EZH2: variants seen among roughly 807,000 people sequenced by gnomAD.
The protein encoded by EZH2 is enhancer of zeste 2 polycomb repressive complex 2 subunit, also known as histone-lysine N-methyltransferase EZH2.
A neutral mutation model predicts 98.4 loss-of-function variants in EZH2; 18 were observed. That is an observed-to-expected ratio of 0.18 (90% CI 0.13 to 0.27). The LOEUF (loss-of-function observed/expected upper bound fraction) is 0.27. Ranked by LOEUF, EZH2 falls within the 10% of genes least tolerant of loss-of-function variation. The probability of loss-of-function intolerance (pLI) is 1.00; values close to 1 mark genes in which losing one functional copy is unlikely to be tolerated. For missense variants in EZH2, 470 were observed against 935.1 expected (o/e 0.50, Z 6.49); for synonymous variants, 338 against 312.3 (o/e 1.08, Z -0.87).
intron 1 of EZH2, among the ~76,000 whole-genome samples, chr7:148,849,794 C>G (rs545306309): frequency 6.6e-6 from 1 of 152,164 alleles, no homozygotes. Flanking sequence ...TCAACTAATT[C>G]TATGCAAATT....
intron 1 of EZH2, among the ~76,000 whole-genome samples, chr7:148,853,443 T>C (rs1341427976): frequency 2.0e-5 from 3 of 151,436 alleles, no homozygotes; most frequent in Admixed American, 1.3e-4. Flanking sequence ...TTTTAAGGAG[T>C]GTGCAACCTA....
intron 1 of EZH2, among the ~76,000 whole-genome samples, chr7:148,854,353 G>A (rs959577828): frequency 1.3e-5 from 2 of 151,164 alleles, no homozygotes; most frequent in Non-Finnish European, 1.5e-5. Context: ...GGAGAATGGC[G>A]TGAACCCGGG....
chr7:148,835,397 C>G (rs1385137452), intron 3 of EZH2, among the ~76,000 whole-genome samples: 1 of 149,114 alleles, frequency 6.7e-6, no homozygotes, highest in African/African-American at 2.5e-5. Flanking sequence ...GCACTCCAGC[C>G]TGGGTGACGA....
intron 1 of EZH2, among the ~76,000 whole-genome samples, chr7:148,853,830 T>C (rs1048003135): frequency 1.3e-5 from 2 of 152,186 alleles, no homozygotes; most frequent in Admixed American, 1.3e-4. Context: ...TATAGGAACA[T>C]CTGAATTAAT....
At chr7:148,810,123 C>CAG (rs1205380701) in intron 17 of EZH2, 29 of 441,424 alleles carry the variant, frequency 6.6e-5, no homozygotes, top group African/African-American at 5.2e-4. Flanking sequence ...GCCGGGACTC[C>CAG]AGAGAGGCGG....
chr7:148,823,255 GTAAACT>G (rs1367719289), intron 8 of EZH2, among the ~76,000 whole-genome samples: 1 of 152,132 alleles, frequency 6.6e-6, no homozygotes, highest in African/African-American at 2.4e-5. Context: ...AGTTTATCAG[GTAAACT>G]TAAACTTGCA....
intron 1 of EZH2, among the ~76,000 whole-genome samples, chr7:148,849,799 C>T (rs564775706): frequency 1.2e-4 from 19 of 152,174 alleles, no homozygotes; most frequent in Admixed American, 5.2e-4. Context: ...TAATTCTATG[C>T]AAATTACTTA....
intron 1 of EZH2, among the ~76,000 whole-genome samples, chr7:148,857,903 T>C (rs955770366): frequency 6.6e-6 from 1 of 151,686 alleles, no homozygotes; most frequent in Non-Finnish European, 1.5e-5. Flanking sequence ...AGAAACAAAT[T>C]TTAAAATCTA....
intron 1 of EZH2, among the ~76,000 whole-genome samples, chr7:148,856,261 G>C (rs930054973): frequency 3.9e-5 from 6 of 152,232 alleles, no homozygotes; most frequent in Non-Finnish European, 7.4e-5. Context: ...ATGTACACTA[G>C]GGTTAAACAA....
At chr7:148,857,704 T>A (rs980340019) in intron 1 of EZH2, among the ~76,000 whole-genome samples, 2 of 151,948 alleles carry the variant, frequency 1.3e-5, no homozygotes, top group African/African-American at 4.8e-5. Context: ...TGAGCAGAGA[T>A]CGCACCTCTG....
At chr7:148,875,064 A>T (rs1819993721) in intron 1 of EZH2, among the ~76,000 whole-genome samples, 1 of 152,194 alleles carries the variant, frequency 6.6e-6, no homozygotes. Context: ...ATAAATGAAA[A>T]GGTTTGAATT....
intron 3 of EZH2, chr7:148,837,096 C>T (rs944196019): frequency 2.4e-6 from 1 of 417,070 alleles, no homozygotes; most frequent in Admixed American, 2.8e-5. Context: ...TTCACAACTA[C>T]CCTGTGAGGT....
intron 3 of EZH2, among the ~76,000 whole-genome samples, chr7:148,833,971 A>G (rs974705970): frequency 6.6e-6 from 1 of 152,192 alleles, no homozygotes; most frequent in Non-Finnish European, 1.5e-5. Flanking sequence ...CATATTTCAT[A>G]CAATCTATGA....
chr7:148,832,814 A>G, intron 3 of EZH2, 64 bp from the exon 4 acceptor site: 1 of 1,061,776 alleles, frequency 9.4e-7, no homozygotes. Flanking sequence ...TGTAGCCATC[A>G]TATTGTAAAG....
chr7:148,815,060 G>A (rs764559705), intron 13 of EZH2, 21 bp from the exon 14 acceptor site: 1 of 1,610,474 alleles, frequency 6.2e-7, no homozygotes, highest in Non-Finnish European at 8.5e-7. Flanking sequence ...ATAACATCAT[G>A]CAGGCCAATG....
intron 12 of EZH2, 98 bp downstream of exon 12, chr7:148,816,586 A>C (rs1804611468): frequency 2.4e-6 from 2 of 829,494 alleles, no homozygotes; most frequent in Non-Finnish European, 4.0e-6. Context: ...GTTTTTTAAA[A>C]ATAGACTAAG....
chr7:148,831,578 T>C (rs904431211), intron 4 of EZH2, among the ~76,000 whole-genome samples: 20 of 152,120 alleles, frequency 1.3e-4, no homozygotes, highest in Non-Finnish European at 2.6e-4. Context: ...AATGACAAAT[T>C]TAAATAATAT....
At chr7:148,861,056 T>G (rs1817594604) in intron 1 of EZH2, among the ~76,000 whole-genome samples, 1 of 152,140 alleles carries the variant, frequency 6.6e-6, no homozygotes, top group Admixed American at 6.5e-5. Context: ...AGGAACTTCA[T>G]GGATACCAAA....
At chr7:148,829,655 T>C in intron 5 of EZH2, 73 bp downstream of exon 5, 1 of 1,537,910 alleles carries the variant, frequency 6.5e-7, no homozygotes, top group Non-Finnish European at 8.8e-7. Flanking sequence ...TCTCATGCCC[T>C]ATATGCTTCA....
Sources: allele counts gnomAD v4.1 joint callset (sites outside exome capture counted in the v4.1 genomes callset), GRCh38; gene constraint gnomAD v4.1.1; transcripts MANE v1.5; gene names NCBI Gene and HGNC (gene_info 2026-07-23, HGNC 2026-07-21).